Variants in PCDHGA1 observed in about 807,000 individuals in gnomAD.
PCDHGA1 encodes the protein protocadherin gamma-A1.
PCDHGA1 carries 32 observed loss-of-function variants against 58.0 expected under a neutral mutation model. The observed-to-expected ratio is 0.55, with a 90% CI of 0.42 to 0.74. PCDHGA1 has a LOEUF of 0.74. Ranked by LOEUF, PCDHGA1 falls within the 30% of genes least tolerant of loss-of-function variation. The probability of loss-of-function intolerance (pLI) is 0.00; values close to 1 mark genes in which losing one functional copy is unlikely to be tolerated. For synonymous variants in PCDHGA1, 498 were observed against 501.1 expected (o/e 0.99, Z 0.08); for missense variants, 1,205 against 1,182.3 (o/e 1.02, Z -0.28).
In PCDHGA1 at chr5:141,486,872, C is replaced by T. The variant is rs1320632059; in HGVS notation, c.2422-7935C>T. On this transcript the variant is annotated intron_variant, in intron 1 of 3. Transcript: ENST00000517417. The surrounding 1 kb of genome is among the most constrained non-coding windows in gnomAD (Gnocchi z 5.0). ...CAATGACAATGCTCCAGCTGTGCTC[C>T]GTCCTCGGGCCCGGCCTGGTTCCTT... The T allele has an allele frequency of 3.7e-6, 6 of 1,614,232 alleles. No individual in the cohort carries two copies. Among genetic ancestry groups the T allele is most frequent in the African/African-American group, 1.3e-5 (1 of 75,070 alleles).
At chr5:141,508,499 C>T (rs1425054102) in intron 3 of PCDHGA1, among the ~76,000 whole-genome samples, 7 of 152,212 alleles carry the variant, frequency 4.6e-5, no homozygotes, top group Non-Finnish European at 1.0e-4. Flanking sequence ...CATATCTTCT[C>T]TCCCTCCTGG....
chr5:141,390,124 C>T (rs369369148), intron 1 of PCDHGA1: 24 of 1,613,924 alleles, frequency 1.5e-5, no homozygotes, highest in Non-Finnish European at 1.9e-5. Context: ...GGGACTTTGC[C>T]TTATTCCTAC....
intron 1 of PCDHGA1, chr5:141,341,058 C>T (rs763969101): frequency 1.1e-5 from 18 of 1,614,062 alleles, no homozygotes; most frequent in African/African-American, 2.7e-5. Flanking sequence ...CTGGTGGTGG[C>T]GGTGGCCGCG....
At chr5:141,341,597 A>G (rs774902929) in intron 1 of PCDHGA1, 86 of 1,052,142 alleles carry the variant, frequency 8.2e-5, no homozygotes, top group Non-Finnish European at 1.1e-4. Context: ...TCTTTGTGCA[A>G]TGAATGTAAA....
At position 141,486,873 on chromosome 5, in the gene PCDHGA1, G is replaced by A. The variant is rs769661146; in HGVS notation, c.2422-7934G>A. On this transcript the variant is annotated intron_variant, in intron 1 of 3. Transcript: ENST00000517417. This position sits in a 1 kb window ranked among gnomAD's most constrained non-coding sequence, Gnocchi z 5.0. ...AATGACAATGCTCCAGCTGTGCTCCGTCCTCGGGCCCGGCCTGGTTCCTTA... is the reference window on the plus strand; with the variant it reads ...AATGACAATGCTCCAGCTGTGCTCCATCCTCGGGCCCGGCCTGGTTCCTTA... 1.6e-5 allele frequency: 26 copies of A among 1,614,082 alleles called. No individual in the cohort carries two copies. Among genetic ancestry groups the A allele is most frequent in the African/African-American group, 4.0e-5 (3 of 74,922 alleles).
rs999390317 is a variant in PCDHGA1 at position 141,331,766 on chromosome 5, C to T, written c.1082C>T (p.Pro361Leu). 1 of 1,614,036 alleles carries T rather than the reference C, an allele frequency of 6.2e-7. No individual in the cohort carries two copies. The highest frequency in any genetic ancestry group is 1.3e-5 in the African/African-American group (1 of 74,906). The change falls in exon 1 of 4, where the codon CCT becomes CTT. Residue 361 changes from proline (P) to leucine (L), a missense_variant. Pro to Leu is a moderately conservative substitution (Grantham distance 98). Coordinates refer to ENST00000517417, the MANE Select transcript of PCDHGA1 (RefSeq NM_018912.3). ...SVTTAVPENF[P>L]PGTIIALISV... Reference sequence around the variant, plus strand: ...ACCACTGCAGTTCCAGAAAACTTTCCTCCTGGGACCATAATTGCTCTTATC... The same window carrying T: ...ACCACTGCAGTTCCAGAAAACTTTCTTCCTGGGACCATAATTGCTCTTATC...
At chr5:141,408,019 A>G (rs1589652051) in intron 1 of PCDHGA1, 1 of 1,031,592 alleles carries the variant, frequency 9.7e-7, no homozygotes, top group Admixed American at 3.2e-5. Context: ...GCAGCCAACA[A>G]CAGAAAGAAG....
At chr5:141,453,780 C>T (rs1330142662) in intron 1 of PCDHGA1, among the ~76,000 whole-genome samples, 3 of 152,090 alleles carry the variant, frequency 2.0e-5, no homozygotes, top group African/African-American at 4.8e-5. Flanking sequence ...TTTTAGTTAC[C>T]ATGGTATATT....
chr5:141,356,781 C>A, intron 1 of PCDHGA1: 1 of 1,613,996 alleles, frequency 6.2e-7, no homozygotes, highest in African/African-American at 1.3e-5. Context: ...AGTTTAGAGA[C>A]CTGCAGCTGC....
chr5:141,458,970 C>T (rs1260904595), intron 1 of PCDHGA1, among the ~76,000 whole-genome samples: 1 of 152,170 alleles, frequency 6.6e-6, no homozygotes, highest in Admixed American at 6.6e-5. Flanking sequence ...CAGCCTCAAG[C>T]AGTCCTCCTG....
intron 1 of PCDHGA1, among the ~76,000 whole-genome samples, chr5:141,336,276 T>A (rs1379593894): frequency 6.6e-6 from 1 of 152,042 alleles, no homozygotes; most frequent in African/African-American, 2.4e-5. Context: ...AGGTACTGAG[T>A]AGGCTGAGGC....
At chr5:141,375,610 C>T (rs748991083) in intron 1 of PCDHGA1, 1 of 1,614,224 alleles carries the variant, frequency 6.2e-7, no homozygotes, top group South Asian at 1.1e-5. Flanking sequence ...CCATCAACTC[C>T]GACACTGGGA....
intron 1 of PCDHGA1, among the ~76,000 whole-genome samples, chr5:141,461,968 C>A (rs2099027589): frequency 6.6e-6 from 1 of 152,204 alleles, no homozygotes; most frequent in African/African-American, 2.4e-5. Context: ...GGATTCCAGG[C>A]ATATGCCACC....
Position 141,340,864 on chromosome 5 carries a change from C to T in PCDHGA1, c.2421+7759C>T, listed in dbSNP as rs776467604. ...CGGGCGAGGTGCGCACGGCGCGAGC[C>T]CTGCTGGACAGAGACGCGCTCAAGC... is the stretch of plus-strand genomic sequence containing the variant. On this transcript the variant is annotated intron_variant, in intron 1 of 3. Transcript: ENST00000517417. 16 of 1,613,684 alleles carry T rather than the reference C, an allele frequency of 9.9e-6. No homozygotes were observed. The Admixed American group carries it at 2.7e-4, about 27-fold the overall frequency.
At chr5:141,395,034 G>A (rs772873954) in intron 1 of PCDHGA1, 21 of 1,614,032 alleles carry the variant, frequency 1.3e-5, no homozygotes, top group African/African-American at 5.3e-5. Context: ...CTCACATTTT[G>A]TGGGTGTTGA....
chr5:141,494,251 G>C (rs961451413), intron 1 of PCDHGA1, among the ~76,000 whole-genome samples: 2 of 152,214 alleles, frequency 1.3e-5, no homozygotes, highest in African/African-American at 4.8e-5. Context: ...TTAGCTGTGG[G>C]AAGAGATTCT....
Position 141,486,059 on chromosome 5 carries a change from C to A in PCDHGA1, c.2422-8748C>A. On this transcript the variant is annotated intron_variant, in intron 1 of 3. Transcript: ENST00000517417. This position sits in a 1 kb window ranked among gnomAD's most constrained non-coding sequence, Gnocchi z 5.0. ...TCGTGTAAGAAACCTCTTTAGCCTG[C>A]ACCCCACTACTGGAAAGCTTACTCT... 1 of 1,614,152 alleles carries A rather than the reference C, an allele frequency of 6.2e-7. No homozygotes were observed. Among genetic ancestry groups the A allele is most frequent in the Non-Finnish European group, 8.5e-7 (1 of 1,180,010 alleles).
rs995102227 is a variant in PCDHGA1 at position 141,344,445 on chromosome 5, T to C, written c.2421+11340T>C. On this transcript the variant is annotated intron_variant, in intron 1 of 3. Coordinates refer to ENST00000517417, the MANE Select transcript of PCDHGA1 (RefSeq NM_018912.3). ...TGCTCCTAATTTCCCAACAGAGGAA[T>C]TGGAAATAAAAATTGGTGAACTAAC... The C allele has an allele frequency of 3.7e-6, 6 of 1,613,574 alleles. No homozygotes were observed. The African/African-American group carries it at 4.0e-5, about 11-fold the overall frequency.
chr5:141,389,229 G>A, intron 1 of PCDHGA1: 1 of 1,614,048 alleles, frequency 6.2e-7, no homozygotes, highest in South Asian at 1.1e-5. Context: ...CAACGCTCCG[G>A]TTTTCTCACA....
Sources: gnomAD v4.1 joint callset for allele counts (sites outside exome capture counted in the v4.1 genomes callset) on GRCh38, gnomAD v4.1.1 for gene constraint, Gnocchi (gnomAD v3.1) non-coding constraint, MANE v1.5 for transcripts, NCBI Gene and HGNC (gene_info 2026-07-23, HGNC 2026-07-21) for gene names.